ETNK2: variants seen among roughly 807,000 people sequenced by gnomAD.
ETNK2 encodes the protein ethanolamine kinase 2.
Under a neutral mutation model 46.2 loss-of-function variants are expected in ETNK2, and 33 were observed. The observed-to-expected ratio is 0.71, with a 90% confidence interval of 0.54 to 0.96. The LOEUF (loss-of-function observed/expected upper bound fraction) is 0.96, where lower values mean the gene tolerates loss of function less well. Among genes scored for constraint, ETNK2 ranks in the 40% least tolerant of loss-of-function variants. ETNK2 has a pLI of 0.00. For missense variants in ETNK2, 445 were observed against 509.7 expected (o/e 0.87, Z 1.22); for synonymous variants, 194 against 209.0 (o/e 0.93, Z 0.62).
chr1:204,150,427 C>T (rs1358813434), intron 1 of ETNK2: 1 of 177,348 alleles, frequency 5.6e-6, no homozygotes, highest in Non-Finnish European at 1.2e-5. Flanking sequence ...CTTGCCCCAT[C>T]CAGTGGTGGA....
At chr1:204,136,597 A>G (rs962832963) in intron 6 of ETNK2, among the ~76,000 whole-genome samples, 3 of 151,270 alleles carry the variant, frequency 2.0e-5, no homozygotes, top group Admixed American at 1.3e-4. Context: ...CTGTAATCCC[A>G]GCTACTTGGG....
At chr1:204,143,617 A>G (rs1657651066) in intron 3 of ETNK2, among the ~76,000 whole-genome samples, 2 of 152,212 alleles carry the variant, frequency 1.3e-5, no homozygotes, top group South Asian at 2.1e-4. Context: ...CCCCAGGGCC[A>G]GCAGGAGGGG....
chr1:204,135,427 A>G (rs1657244954), intron 6 of ETNK2, among the ~76,000 whole-genome samples: 1 of 152,192 alleles, frequency 6.6e-6, no homozygotes, highest in African/African-American at 2.4e-5. Context: ...CTAAAATAAA[A>G]GTAAAAAAAT....
Position 204,132,077 on chromosome 1 carries a change from G to T in ETNK2, c.*107C>A. On this transcript the variant is annotated 3_prime_UTR_variant, in exon 8 of 8. Coordinates refer to ENST00000367202, the MANE Select transcript of ETNK2 (RefSeq NM_018208.4). ...GAGCCTTCTCCCTGGACACCCATGT[G>T]TCCCCTCTCCCACCCTGTCCAAGGG... The T allele has an allele frequency of 2.2e-6, 2 of 898,950 alleles. No homozygotes were observed. The highest frequency in any genetic ancestry group is 3.6e-6 in the Non-Finnish European group (2 of 554,580). 55.7% of individuals were successfully genotyped at this position (898,950 alleles called of 1,614,324 possible). A position where few individuals can be genotyped will look rare whatever the true frequency, so the allele number is the denominator to read the frequency against.
chr1:204,148,026 T>C (rs937199877), intron 2 of ETNK2, among the ~76,000 whole-genome samples: 1 of 152,138 alleles, frequency 6.6e-6, no homozygotes, highest in Non-Finnish European at 1.5e-5. Context: ...GGCTGTTGTC[T>C]GGAATAGCAA....
intron 3 of ETNK2, 165 bp from the exon 4 acceptor site, chr1:204,141,622 G>T: frequency 1.4e-6 from 1 of 703,288 alleles, no homozygotes; most frequent in Non-Finnish European, 2.3e-6. Context: ...CTGTAAAATG[G>T]CACTGAGGCG....
At position 204,141,449 on chromosome 1, in the gene ETNK2, G is replaced by A. The variant is rs745574189; in HGVS notation, c.650C>T (p.Ala217Val). The change falls in exon 4 of 8, where the codon GCA becomes GTA. Residue 217 changes from alanine to valine, a missense_variant. Physicochemically the swap from Ala to Val is moderately conservative, Grantham distance 64. Coordinates refer to ENST00000367202, the MANE Select transcript of ETNK2 (RefSeq NM_018208.4). The part of the protein sequence containing the change: ...VKNEINPSLS[A>V]DVPKVEVLER... ...CAACACCTCTACCTTAGGGACATCTGCAGAAAGGCTGGGCAGTGGCAAAAA... is the reference window on the plus strand; with the variant it reads ...CAACACCTCTACCTTAGGGACATCTACAGAAAGGCTGGGCAGTGGCAAAAA... 1 of 1,592,400 alleles carries A rather than the reference G, an allele frequency of 6.3e-7. No homozygotes were observed. Among genetic ancestry groups the A allele is most frequent in the African/African-American group, 1.3e-5 (1 of 74,566 alleles).
chr1:204,149,850 C>T lies in ETNK2; in HGVS notation c.371G>A (p.Arg124Gln), dbSNP rs201400955. The T allele has an allele frequency of 1.1e-5, 17 of 1,602,402 alleles. No individual in the cohort carries two copies. The highest frequency in any genetic ancestry group is 4.0e-5 in the African/African-American group (3 of 74,694). The change falls in exon 2 of 8, where the codon CGG becomes CAG. Residue 124 changes from arginine to glutamine, a missense_variant. By Grantham distance (43) the Arg-to-Gln change is conservative. Coordinates refer to ENST00000367202, the MANE Select transcript of ETNK2 (RefSeq NM_018208.4). ...YGERTELLVDRENEVRNFQLL... is the reference protein window; with the variant it reads ...YGERTELLVDQENEVRNFQLL... ...CTGGAAGTTTCTGACCTCATTCTCC[C>T]GGTCCACCAGCAGCTCCGTCCGCTC...
At chr1:204,137,279 C>T (rs1457227127) in intron 5 of ETNK2, 30 bp from the exon 6 acceptor site, 2 of 1,609,510 alleles carry the variant, frequency 1.2e-6, no homozygotes, top group African/African-American at 2.7e-5. Context: ...GACAAAGTTG[C>T]TCAGAGATGG....
Position 204,151,494 on chromosome 1 carries a change from C to T in ETNK2, c.258+101G>A. The T allele has an allele frequency of 2.7e-6, 4 of 1,481,938 alleles. No individual in the cohort carries two copies. The Admixed American group carries it at 6.8e-5, about 25-fold the overall frequency. The allele number at this position is 1,481,938 out of a possible 1,614,324, so 91.8% of individuals were successfully genotyped here. On this transcript the variant is annotated intron_variant, in intron 1 of 7. Coordinates refer to ENST00000367202, the MANE Select transcript of ETNK2 (RefSeq NM_018208.4). This position sits in a 1 kb window ranked among gnomAD's most constrained non-coding sequence, Gnocchi z 8.0. Reference sequence around the variant, plus strand: ...ACCTTTCTTGCGCAGCAGCCGCGCACCCCTGGGACTGACACCCGGAAGGAT... The same window carrying T: ...ACCTTTCTTGCGCAGCAGCCGCGCATCCCTGGGACTGACACCCGGAAGGAT...
At chr1:204,148,245 C>T (rs1249983814) in intron 2 of ETNK2, among the ~76,000 whole-genome samples, 2 of 152,114 alleles carry the variant, frequency 1.3e-5, no homozygotes, top group African/African-American at 4.8e-5. Context: ...CGGGCTCTCC[C>T]CCAGATGTCA....
chr1:204,148,166 C>T (rs1265818759), intron 2 of ETNK2, among the ~76,000 whole-genome samples: 3 of 152,094 alleles, frequency 2.0e-5, no homozygotes, highest in African/African-American at 7.2e-5. Context: ...CACCTTCACC[C>T]AGAGGGATGA....
rs1657995142 is a variant in ETNK2, at chr1:204,151,283, C to T, written c.258+312G>A. On this transcript the variant is annotated intron_variant, in intron 1 of 7. Coordinates refer to ENST00000367202, the MANE Select transcript of ETNK2 (RefSeq NM_018208.4). The surrounding 1 kb of genome is among the most constrained non-coding windows in gnomAD (Gnocchi z 8.0). ...AGCTGGCTGGGTACGCGCTTCTGGT[C>T]AGCGAGGGGCACCAGCACGCAGCGA... 4 of 501,726 alleles carry T rather than the reference C, an allele frequency of 8.0e-6. No individual in the cohort carries two copies. Among genetic ancestry groups the T allele is most frequent in the East Asian group, 4.0e-5 (1 of 25,072 alleles). The allele number at this position is 501,726 out of a possible 1,614,324, so 31.1% of individuals were successfully genotyped here.
At chr1:204,133,680 C>T (rs1405674518) in intron 7 of ETNK2, among the ~76,000 whole-genome samples, 8 of 151,370 alleles carry the variant, frequency 5.3e-5, no homozygotes, top group East Asian at 3.9e-4. Flanking sequence ...TACAGGCGCC[C>T]GCCACCACGC....
rs34175169 is a variant in ETNK2 at position 204,134,623 on chromosome 1, C to G, written c.1015-35G>C. 3,072 of 1,614,008 alleles carry G rather than the reference C, an allele frequency of 1.9e-3. 49 individuals are homozygous for G. In the African/African-American group the frequency reaches 0.037, roughly 19 times the overall value. ...GACCAGAGAGGGTCAGCCTGGCAAT[C>G]TCCCCATGCCTGTTTCCGACTCTAC... is the stretch of plus-strand genomic sequence containing the variant. On this transcript the variant is annotated intron_variant, in intron 6 of 7. Coordinates refer to ENST00000367202, the MANE Select transcript of ETNK2 (RefSeq NM_018208.4).
chr1:204,146,238 T>C (rs568842573), intron 3 of ETNK2, among the ~76,000 whole-genome samples: 8 of 152,196 alleles, frequency 5.3e-5, no homozygotes, highest in African/African-American at 1.9e-4. Flanking sequence ...GCCCTGCTCA[T>C]GGTTCAGAAG....
At chr1:204,147,438 T>A in intron 2 of ETNK2, 1 of 533,256 alleles carries the variant, frequency 1.9e-6, no homozygotes, top group Non-Finnish European at 3.8e-6. Flanking sequence ...TGGGAGAAGG[T>A]GGGGGTGAAT....
At chr1:204,139,934 CG>C in intron 5 of ETNK2, 100 bp downstream of exon 5, 1 of 925,526 alleles carries the variant, frequency 1.1e-6, no homozygotes, top group Non-Finnish European at 1.8e-6. Context: ...TACCTATTAC[CG>C]TAAATATACA....
intron 6 of ETNK2, among the ~76,000 whole-genome samples, chr1:204,136,566 G>A (rs1222935535): frequency 1.3e-5 from 2 of 151,430 alleles, no homozygotes; most frequent in African/African-American, 4.9e-5. Flanking sequence ...AAAAAAACTA[G>A]TTGGGTGTGG....
Sources: gnomAD v4.1 joint callset for allele counts (sites outside exome capture counted in the v4.1 genomes callset) on GRCh38, gnomAD v4.1.1 for gene constraint, Gnocchi (gnomAD v3.1) non-coding constraint, MANE v1.5 for transcripts, NCBI Gene and HGNC (gene_info 2026-07-23, HGNC 2026-07-21) for gene names.